Variants in SPI1 observed in about 807,000 individuals in gnomAD.
SPI1 encodes Spi-1 proto-oncogene.
Under a neutral mutation model 30.7 loss-of-function variants are expected in SPI1, and 3 were observed. The observed-to-expected ratio is 0.10, with a 90% CI of 0.04 to 0.25. The LOEUF (loss-of-function observed/expected upper bound fraction) is 0.25, where lower values mean the gene tolerates loss of function less well. SPI1 is among the 10% of genes least tolerant of loss of function. The pLI is 1.00. For missense variants in SPI1, 261 were observed against 371.5 expected (o/e 0.70, Z 2.45); for synonymous variants, 169 against 157.1 (o/e 1.08, Z -0.56).
At chr11:47,357,324 C>T (rs2095912655) in intron 4 of SPI1, among the ~76,000 whole-genome samples, 1 of 146,544 alleles carries the variant, frequency 6.8e-6, no homozygotes, top group African/African-American at 2.5e-5. Context: ...TCTTTCACAC[C>T]TCATTGACAC....
In SPI1 at chr11:47,355,621, C is replaced by T. The variant is rs554510695; in HGVS notation, c.494-75G>A. Reference sequence around the variant, plus strand: ...CCGCCCCCACCGCCTTGCGTACGCACAGGGGCCCGGGGACGGGGTGGCCGG... The same window carrying T: ...CCGCCCCCACCGCCTTGCGTACGCATAGGGGCCCGGGGACGGGGTGGCCGG... On this transcript the variant is annotated intron_variant, in intron 4 of 4. Coordinates refer to ENST00000378538, the MANE Select transcript of SPI1 (RefSeq NM_003120.3). 3.1e-5 allele frequency: 41 copies of T among 1,328,298 alleles called. No homozygotes were observed. The East Asian group carries it at 9.2e-4, about 30-fold the overall frequency. The allele number at this position is 1,328,298 out of a possible 1,614,324, so 82.3% of individuals were successfully genotyped here.
At chr11:47,365,484 G>A (rs1016458237) in intron 2 of SPI1, among the ~76,000 whole-genome samples, 1 of 152,124 alleles carries the variant, frequency 6.6e-6, no homozygotes, top group Non-Finnish European at 1.5e-5. Context: ...GCACTCAGGA[G>A]GTGGCCACTA....
At chr11:47,360,126 A>G in intron 2 of SPI1, 86 bp from the exon 3 acceptor site, 1 of 1,191,690 alleles carries the variant, frequency 8.4e-7, no homozygotes, top group Non-Finnish European at 1.1e-6. Context: ...TAATACTGCC[A>G]GGCCATATGG....
chr11:47,360,129 C>T (rs1240675270), intron 2 of SPI1, 89 bp from the exon 3 acceptor site: 1 of 1,139,034 alleles, frequency 8.8e-7, no homozygotes, highest in Admixed American at 2.8e-5. Flanking sequence ...TACTGCCAGG[C>T]CATATGGGGC....
chr11:47,355,933 C>G (rs2095907948), intron 4 of SPI1, among the ~76,000 whole-genome samples: 1 of 149,566 alleles, frequency 6.7e-6, no homozygotes. Context: ...CACACCCACT[C>G]ACACTCATGC....
At position 47,359,157 on chromosome 11, in the gene SPI1, G is replaced by C; in HGVS notation, c.331-151C>G. On this transcript the variant is annotated intron_variant, in intron 3 of 4. Transcript: ENST00000378538. The surrounding 1 kb of genome is among the most constrained non-coding windows in gnomAD (Gnocchi z 5.1). ...CTGGAGGAAGAAGACCAGGGAAAAG[G>C]GGGGCCAGTTGAGGTGCTGCACATA... The C allele has an allele frequency of 1.4e-6, 1 of 694,450 alleles. No individual in the cohort carries two copies. Among genetic ancestry groups the C allele is most frequent in the Non-Finnish European group, 2.4e-6 (1 of 418,834 alleles). 43.0% of individuals were successfully genotyped at this position (694,450 alleles called of 1,614,324 possible).
intron 4 of SPI1, among the ~76,000 whole-genome samples, chr11:47,357,061 T>C (rs1230427266): frequency 6.6e-6 from 1 of 150,476 alleles, no homozygotes; most frequent in Admixed American, 6.6e-5. Flanking sequence ...AAACTCATGC[T>C]CACACACATG....
At chr11:47,369,070 A>G (rs566271178) in intron 2 of SPI1, among the ~76,000 whole-genome samples, 1 of 152,234 alleles carries the variant, frequency 6.6e-6, no homozygotes, top group Non-Finnish European at 1.5e-5. Context: ...ACATGGTGAA[A>G]CCCTGTCTCT....
chr11:47,357,891 CTCAT>C (rs200490073), intron 4 of SPI1, among the ~76,000 whole-genome samples: 2,130 of 152,122 alleles, frequency 0.014, 16 homozygotes, highest in Middle Eastern at 0.021. Context: ...TGCTCACACA[CTCAT>C]TCACACACCT....
In SPI1 at chr11:47,378,505, C is replaced by T; in HGVS notation, c.-152G>A. On this transcript the variant is annotated 5_prime_UTR_variant, in exon 1 of 5. Transcript: ENST00000378538. ...TGAGCTACAGGAGCCCTGGGTGAGC[C>T]CCCTCCCTTGACATTGCAGGGCCAG... 1 of 742,208 alleles carries T rather than the reference C, an allele frequency of 1.3e-6. No homozygotes were observed. The highest frequency in any genetic ancestry group is 2.2e-6 in the Non-Finnish European group (1 of 451,070). The allele number at this position is 742,208 out of a possible 1,614,324, so 46.0% of individuals were successfully genotyped here. A position where few individuals can be genotyped will look rare whatever the true frequency, so the allele number is the denominator to read the frequency against.
At chr11:47,362,469 G>T (rs926082910) in intron 2 of SPI1, among the ~76,000 whole-genome samples, 23 of 152,054 alleles carry the variant, frequency 1.5e-4, no homozygotes, top group Non-Finnish European at 5.9e-5. Context: ...CTACTTGGGA[G>T]GCTGATACGA....
In SPI1 at chr11:47,370,565, G is replaced by A. The variant is rs2095934374; in HGVS notation, c.142+5068C>T. 2.6e-5 allele frequency among the ~76,000 whole-genome samples: 4 copies of A among 152,054 alleles called. No individual in the cohort carries two copies. The South Asian group carries it at 8.3e-4, about 32-fold the overall frequency. Reference sequence around the variant, plus strand: ...AAAAATACAAAAATTAGCTGGGCGTGGTGGCGGGCACCTGTAATCCCAGCT... The same window carrying A: ...AAAAATACAAAAATTAGCTGGGCGTAGTGGCGGGCACCTGTAATCCCAGCT... On this transcript the variant is annotated intron_variant, in intron 2 of 4. Transcript: ENST00000378538.
intron 2 of SPI1, among the ~76,000 whole-genome samples, chr11:47,370,351 T>G (rs1044566728): frequency 8.5e-6 from 1 of 117,512 alleles, no homozygotes; most frequent in African/African-American, 3.3e-5. Context: ...TGCAGTGAGC[T>G]GAGATTGCAC....
At chr11:47,358,716 G>A (rs1345796067) in intron 4 of SPI1, 128 bp downstream of exon 4, 3 of 948,932 alleles carry the variant, frequency 3.2e-6, no homozygotes, top group Non-Finnish European at 4.9e-6. Context: ...CACACACACT[G>A]GCAAACATGC....
In SPI1 at chr11:47,355,230, G is replaced by A; in HGVS notation, c.810C>T (p.His270=). 1 of 1,390,172 alleles carries A rather than the reference G, an allele frequency of 7.2e-7. No individual in the cohort carries two copies. Among genetic ancestry groups the A allele is most frequent in the Non-Finnish European group, 9.3e-7 (1 of 1,077,110 alleles). 86.1% of individuals were successfully genotyped at this position (1,390,172 alleles called of 1,614,324 possible). The stretch of plus-strand genomic sequence containing the variant: ...GGGCCCGGCGGGGGCTGCGGGCTCA[G>A]TGGGGCGGGTGGCGCCGCTCGGCCA... ...GGLAERRHPP[H] The change falls in exon 5 of 5, where the codon CAC becomes CAT. Residue 270 remains histidine (H), a synonymous_variant. Transcript: ENST00000378538.
intron 2 of SPI1, among the ~76,000 whole-genome samples, chr11:47,360,475 A>T (rs985648849): frequency 6.6e-6 from 1 of 152,084 alleles, no homozygotes; most frequent in African/African-American, 2.4e-5. Flanking sequence ...CATTTGTAAA[A>T]CACCTCGCAC....
At position 47,354,954 on chromosome 11, in the gene SPI1, C is replaced by T. The variant is rs1362314701; in HGVS notation, c.*273G>A. The T allele has an allele frequency of 6.4e-6, 2 of 310,834 alleles. No individual in the cohort carries two copies. Among genetic ancestry groups the T allele is most frequent in the Admixed American group, 5.1e-5 (1 of 19,784 alleles). 19.3% of individuals were successfully genotyped at this position (310,834 alleles called of 1,614,324 possible). The stretch of plus-strand genomic sequence containing the variant: ...TGATTTACATACGGACTTGAGACTC[C>T]CAAGGCAGTACCCCGGGTCGTCCTC... On this transcript the variant is annotated 3_prime_UTR_variant, in exon 5 of 5. Coordinates refer to ENST00000378538, the MANE Select transcript of SPI1 (RefSeq NM_003120.3).
chr11:47,357,883 CT>C (rs1269262278), intron 4 of SPI1, among the ~76,000 whole-genome samples: 4 of 151,990 alleles, frequency 2.6e-5, no homozygotes, highest in Non-Finnish European at 5.9e-5. Flanking sequence ...CCCATTCATG[CT>C]CACACACTCA....
At chr11:47,360,887 C>T (rs1018461325) in intron 2 of SPI1, among the ~76,000 whole-genome samples, 4 of 148,906 alleles carry the variant, frequency 2.7e-5, no homozygotes, top group Middle Eastern at 3.7e-3. Context: ...TTTGGGAGGC[C>T]GAGGTGGGTG....
Sources: allele counts gnomAD v4.1 joint callset (sites outside exome capture counted in the v4.1 genomes callset), GRCh38; gene constraint gnomAD v4.1.1; non-coding constraint Gnocchi (gnomAD v3.1); transcripts MANE v1.5; gene names NCBI Gene and HGNC (gene_info 2026-07-23, HGNC 2026-07-21).